NUBPL: variants seen among roughly 807,000 people sequenced by gnomAD.
The protein encoded by NUBPL is iron-sulfur cluster transfer protein NUBPL.
NUBPL carries 31 observed loss-of-function variants against 45.7 expected under a neutral mutation model. The observed-to-expected ratio is 0.68, with a 90% confidence interval of 0.51 to 0.92. The LOEUF (loss-of-function observed/expected upper bound fraction) is 0.92. NUBPL is among the 40% of genes least tolerant of loss of function. The pLI is 0.00. For missense variants in NUBPL, 401 were observed against 398.7 expected (o/e 1.01, Z -0.05); for synonymous variants, 144 against 140.9 (o/e 1.02, Z -0.15).
At chr14:31,804,203 G>A (rs1039769619) in intron 7 of NUBPL, among the ~76,000 whole-genome samples, 3 of 152,160 alleles carry the variant, frequency 2.0e-5, no homozygotes, top group Non-Finnish European at 4.4e-5. Context: ...TCAAATTAGT[G>A]AAAATTCATA....
chr14:31,566,000 A>G (rs1232541941), intron 3 of NUBPL, among the ~76,000 whole-genome samples: 2 of 152,142 alleles, frequency 1.3e-5, no homozygotes, highest in Non-Finnish European at 2.9e-5. Context: ...ATCAGCTACT[A>G]AATGAAAAGG....
intron 3 of NUBPL, among the ~76,000 whole-genome samples, chr14:31,596,110 G>A (rs1161447556): frequency 2.6e-5 from 4 of 151,956 alleles, no homozygotes; most frequent in Non-Finnish European, 5.9e-5. Flanking sequence ...GTTTCACCAT[G>A]TTAGCCAGGA....
chr14:31,577,573 C>A lies in NUBPL; in HGVS notation c.291+12525C>A, dbSNP rs538500417. ...GGATTACAGGTGCCAGCCACCACGC[C>A]CAGCTAATTTTCGTATTTTTTAGTA... On this transcript the variant is annotated intron_variant, in intron 3 of 10. Transcript: ENST00000281081. Among the ~76,000 whole-genome samples, 3 of 152,286 alleles carry A rather than the reference C, an allele frequency of 2.0e-5. No homozygotes were observed. The South Asian group carries it at 6.2e-4, about 32-fold the overall frequency.
At chr14:31,713,384 ATT>A (rs901487772) in intron 6 of NUBPL, among the ~76,000 whole-genome samples, 1 of 147,390 alleles carries the variant, frequency 6.8e-6, no homozygotes, top group African/African-American at 2.7e-5. Context: ...TGTACCTTTC[ATT>A]TTTTTCCTAA....
At chr14:31,719,588 T>G (rs1339656370) in intron 6 of NUBPL, among the ~76,000 whole-genome samples, 1 of 152,194 alleles carries the variant, frequency 6.6e-6, no homozygotes, top group Non-Finnish European at 1.5e-5. Context: ...TCCCACAGTT[T>G]GTGAGACAGT....
chr14:31,829,956 G>A (rs112217706), intron 8 of NUBPL, among the ~76,000 whole-genome samples: 1,605 of 152,020 alleles, frequency 0.011, 26 homozygotes, highest in African/African-American at 0.037. Context: ...TTTTAATAAT[G>A]AGTAATTTAT....
chr14:31,724,532 G>A (rs1279540253), intron 6 of NUBPL, among the ~76,000 whole-genome samples: 1 of 152,132 alleles, frequency 6.6e-6, no homozygotes, highest in Non-Finnish European at 1.5e-5. Flanking sequence ...GTAATGGTTT[G>A]TTTAATGAAT....
intron 6 of NUBPL, among the ~76,000 whole-genome samples, chr14:31,749,301 T>C (rs1052561240): frequency 6.6e-6 from 1 of 152,204 alleles, no homozygotes; most frequent in African/African-American, 2.4e-5. Flanking sequence ...CTACCTGAAT[T>C]TTATACTTTA....
intron 6 of NUBPL, among the ~76,000 whole-genome samples, chr14:31,726,568 T>C (rs1340506381): frequency 6.6e-6 from 1 of 152,208 alleles, no homozygotes; most frequent in Non-Finnish European, 1.5e-5. Context: ...TTCACTAAAA[T>C]ATAAGCTATA....
chr14:31,801,951 G>A (rs1301314869), intron 7 of NUBPL, among the ~76,000 whole-genome samples: 1 of 152,178 alleles, frequency 6.6e-6, no homozygotes, highest in African/African-American at 2.4e-5. Flanking sequence ...ATATTCATGG[G>A]CTCAAGAAAA....
At chr14:31,797,435 A>T (rs1566566361) in intron 7 of NUBPL, among the ~76,000 whole-genome samples, 1 of 34,228 alleles carries the variant, frequency 2.9e-5, no homozygotes, top group Non-Finnish European at 4.7e-5. Context: ...GGGTGCATAA[A>T]TATTTAGGAT....
intron 3 of NUBPL, among the ~76,000 whole-genome samples, chr14:31,582,639 A>G (rs2033895084): frequency 6.6e-6 from 1 of 151,682 alleles, no homozygotes; most frequent in Non-Finnish European, 1.5e-5. Context: ...TTTTTTTTCC[A>G]TTTAATGAGA....
intron 6 of NUBPL, among the ~76,000 whole-genome samples, chr14:31,684,187 A>C (rs899960532): frequency 3.3e-5 from 5 of 152,140 alleles, no homozygotes; most frequent in African/African-American, 1.2e-4. Flanking sequence ...TTGTTTTCTC[A>C]TCTGTAAATG....
chr14:31,577,661 C>T (rs2033751458), intron 3 of NUBPL, among the ~76,000 whole-genome samples: 1 of 152,218 alleles, frequency 6.6e-6, no homozygotes, highest in African/African-American at 2.4e-5. Context: ...ATCCACCCAC[C>T]TTGGCCTCCC....
intron 3 of NUBPL, among the ~76,000 whole-genome samples, chr14:31,567,671 C>T (rs1426481504): frequency 6.6e-6 from 1 of 152,088 alleles, no homozygotes; most frequent in South Asian, 2.1e-4. Context: ...GTACCATTCT[C>T]TTGAATCTCT....
At chr14:31,581,004 G>C (rs950520987) in intron 3 of NUBPL, among the ~76,000 whole-genome samples, 2 of 152,142 alleles carry the variant, frequency 1.3e-5, no homozygotes, top group Non-Finnish European at 2.9e-5. Context: ...CTGTAATGTA[G>C]AGAATAGAGT....
intron 6 of NUBPL, among the ~76,000 whole-genome samples, chr14:31,778,077 T>C (rs186760529): frequency 1.3e-5 from 2 of 152,324 alleles, no homozygotes; most frequent in Admixed American, 1.3e-4. Context: ...CATGGGGTCA[T>C]TGTCAGTGTT....
intron 4 of NUBPL, among the ~76,000 whole-genome samples, chr14:31,608,173 A>G (rs745815387): frequency 6.6e-5 from 10 of 152,212 alleles, no homozygotes; most frequent in Non-Finnish European, 1.3e-4. Context: ...GAAGAAATAA[A>G]GACTTTCCCA....
intron 6 of NUBPL, among the ~76,000 whole-genome samples, chr14:31,776,978 T>C (rs2039108318): frequency 6.6e-6 from 1 of 152,212 alleles, no homozygotes; most frequent in African/African-American, 2.4e-5. Context: ...TCAGATTTTA[T>C]AGCAAAAGTT....
Sources: gnomAD v4.1 joint callset for allele counts (sites outside exome capture counted in the v4.1 genomes callset) on GRCh38, gnomAD v4.1.1 for gene constraint, MANE v1.5 for transcripts, NCBI Gene and HGNC (gene_info 2026-07-23, HGNC 2026-07-21) for gene names.